The following TEX15 variants were observed in gnomAD, a reference collection of about 807,000 sequenced individuals.
TEX15 encodes the protein testis-expressed protein 15.
A neutral mutation model predicts 237.3 loss-of-function variants in TEX15; 171 were observed. The observed-to-expected ratio is 0.72, with a 90% confidence interval of 0.64 to 0.82. The LOEUF is 0.82. Ranked by LOEUF, TEX15 falls within the 40% of genes least tolerant of loss-of-function variation. The pLI, the probability that TEX15 is intolerant of heterozygous loss-of-function variation, is 0.00. For synonymous variants in TEX15, 1,338 were observed against 1,269.8 expected (o/e 1.05, Z -1.14); for missense variants, 3,750 against 3,646.5 (o/e 1.03, Z -0.73).
In TEX15 at chr8:30,912,333, C is replaced by CCACCA. The variant is rs772066925; in HGVS notation, c.-86+545_-86+546insTGGTG. Reference sequence around the variant, plus strand: ...GAGTTGCGGTCCCGGGGCGGCGGGGCTCCCGCCCCCTCCCCGCCCCCGCGG... The same window carrying CCACCA: ...GAGTTGCGGTCCCGGGGCGGCGGGGCCACCATCCCGCCCCCTCCCCGCCCCCGCGG... On this transcript the variant is annotated intron_variant, in intron 1 of 10. Transcript: ENST00000643185. Among the ~76,000 whole-genome samples the CCACCA allele has an allele frequency of 9.7e-3, 6 of 618 alleles. 1 individual carries two copies. Among genetic ancestry groups the CCACCA allele is most frequent in the Admixed American group, 0.022 (1 of 46 alleles). The allele number at this position is 618 out of a possible 152,430, so 0.4% of individuals were successfully genotyped here. A position where few individuals can be genotyped will look rare whatever the true frequency, so the allele number is the denominator to read the frequency against.
intron 7 of TEX15, among the ~76,000 whole-genome samples, chr8:30,855,577 A>T (rs1807891936): frequency 6.6e-6 from 1 of 152,178 alleles, no homozygotes; most frequent in African/African-American, 2.4e-5. Flanking sequence ...TAACCCAGCA[A>T]TTCCACTCTT....
rs755262850 is a variant in TEX15 at position 30,833,320 on chromosome 8, G to A, written c.9485C>T (p.Pro3162Leu). Residue 3162 changes from proline to leucine, a missense_variant, in exon 11 of 11, where the codon CCA becomes CTA. Pro to Leu is a moderately conservative substitution (Grantham distance 98, BLOSUM62 -3). Coordinates refer to ENST00000643185, the MANE Select transcript of TEX15 (RefSeq NM_001350162.2). ...VPPEVPWVYA[P>L]WHQESFHPGH ...TGGATGAAAGGATTCTTGGTGCCAT[G>A]GAGCTGGAAGAAAAAACACCACAAA... is the stretch of plus-strand genomic sequence containing the variant. 2.1e-5 allele frequency: 33 copies of A among 1,594,748 alleles called. No homozygotes were observed. The highest frequency in any genetic ancestry group is 2.8e-5 in the Non-Finnish European group (33 of 1,169,410).
chr8:30,842,255 G>C lies in TEX15; in HGVS notation c.7912C>G (p.Leu2638Val), dbSNP rs766906372. 5.6e-6 allele frequency: 9 copies of C among 1,613,326 alleles called. No homozygotes were observed. The highest frequency in any genetic ancestry group is 7.6e-6 in the Non-Finnish European group (9 of 1,179,744). The change falls in exon 8 of 11, where the codon CTA becomes GTA. Residue 2638 changes from leucine (L) to valine (V), a missense_variant. Transcript: ENST00000643185. ...CTTCTGTTATACAGCATTTGGCATA[G>C]GAAAAAGGAAATGGTTAGTTCAGCA... Reference protein sequence around the residue: ...KNAELTISFFLCQMLYNRRKI... With the variant: ...KNAELTISFFVCQMLYNRRKI...
chr8:30,904,185 G>A (rs890305412), intron 1 of TEX15, among the ~76,000 whole-genome samples: 2 of 152,152 alleles, frequency 1.3e-5, no homozygotes, highest in Admixed American at 6.5e-5. Flanking sequence ...AGTGGCTCAC[G>A]CCTGTAATCC....
Position 30,846,809 on chromosome 8 carries a change from T to C in TEX15, c.3358A>G (p.Thr1120Ala). The C allele has an allele frequency of 6.2e-7, 1 of 1,613,932 alleles. No homozygotes were observed. The highest frequency in any genetic ancestry group is 1.1e-5 in the South Asian group (1 of 91,082). ...NGEMEVLESTTGRENSDQHYS... is the reference protein window; with the variant it reads ...NGEMEVLESTAGRENSDQHYS... ...TGCTGATCACTATTCTCCCTTCCTG[T>C]GGTGCTTTCCAAAACTTCCATCTCC... The change falls in exon 8 of 11, where the codon ACA (threonine) becomes GCA (alanine). Residue 1120 changes from threonine (T) to alanine (A), a missense_variant. By Grantham distance (58) the Thr-to-Ala change is moderately conservative (BLOSUM62 0). Transcript: ENST00000643185.
At chr8:30,868,399 A>T (rs1808221224) in intron 4 of TEX15, among the ~76,000 whole-genome samples, 1 of 152,038 alleles carries the variant, frequency 6.6e-6, no homozygotes, top group Admixed American at 6.6e-5. Context: ...GGTCCAAATG[A>T]TTATCTGCAA....
At chr8:30,881,963 A>T (rs1808536205) in intron 3 of TEX15, among the ~76,000 whole-genome samples, 1 of 152,112 alleles carries the variant, frequency 6.6e-6, no homozygotes, top group Non-Finnish European at 1.5e-5. Context: ...GCTTAAGATT[A>T]TTGATCTGAA....
At position 30,887,249 on chromosome 8, in the gene TEX15, A is replaced by T; in HGVS notation, c.54T>A (p.Thr18=). The T allele has an allele frequency of 6.5e-7, 1 of 1,535,976 alleles. No individual in the cohort carries two copies. Among genetic ancestry groups the T allele is most frequent in the Non-Finnish European group, 8.7e-7 (1 of 1,146,830 alleles). Residue 18 remains threonine (T), a synonymous_variant, in exon 3 of 11, where the codon ACT becomes ACA. Transcript: ENST00000643185. ...KQDTLWQMSS[T]SKPVLNTREV... is the part of the protein sequence containing the mutation. ...CACGAGTATTCAACACGGGTTTGCT[A>T]GTTGAGCTCATTTGCCACAGTGTAT...
In TEX15 at chr8:30,860,009, T is replaced by C. The variant is rs1808007922; in HGVS notation, c.589A>G (p.Lys197Glu). 1 of 1,510,482 alleles carries C rather than the reference T, an allele frequency of 6.6e-7. No individual in the cohort carries two copies. Among genetic ancestry groups the C allele is most frequent in the African/African-American group, 1.4e-5 (1 of 71,258 alleles). The allele number at this position is 1,510,482 out of a possible 1,614,324, so 93.6% of individuals were successfully genotyped here. A position where few individuals can be genotyped will look rare whatever the true frequency, so the allele number is the denominator to read the frequency against. Residue 197 changes from lysine to glutamate, a missense_variant, in exon 6 of 11, where the codon AAA becomes GAA. Physicochemically the swap from Lys to Glu is moderately conservative, Grantham distance 56 (BLOSUM62 1). Coordinates refer to ENST00000643185, the MANE Select transcript of TEX15 (RefSeq NM_001350162.2). ...KKIQPSVDKNKVSLDPSPNFD... is the reference protein window; with the variant it reads ...KKIQPSVDKNEVSLDPSPNFD... The stretch of plus-strand genomic sequence containing the variant: ...TTAGGAGAAGGATCCAAAGAAACTT[T>C]ATTTTTATCCACAGAAGGTTGGATT...
intron 10 of TEX15, among the ~76,000 whole-genome samples, chr8:30,834,694 C>T (rs1352454220): frequency 2.6e-5 from 4 of 152,140 alleles, no homozygotes; most frequent in Admixed American, 6.5e-5. Flanking sequence ...AGTTGTTCAA[C>T]GTGGCTTGAA....
At position 30,847,431 on chromosome 8, in the gene TEX15, A is replaced by C; in HGVS notation, c.2736T>G (p.Ile912Met). 1 of 1,611,324 alleles carries C rather than the reference A, an allele frequency of 6.2e-7. No individual in the cohort carries two copies. ...KEDKNYHNIE[I>M]LSSEEFSTKF... Reference sequence around the variant, plus strand: ...TAGTAGAAAATTCTTCAGAACTCAAAATTTCTATATTGTGGTAATTTTTGT... The same window carrying C: ...TAGTAGAAAATTCTTCAGAACTCAACATTTCTATATTGTGGTAATTTTTGT... The change falls in exon 8 of 11, where the codon ATT becomes ATG. Residue 912 changes from isoleucine (I) to methionine (M), a missense_variant. By Grantham distance (10) the Ile-to-Met change is conservative. Transcript: ENST00000643185.
At chr8:30,872,405 A>G (rs1406120329) in intron 4 of TEX15, among the ~76,000 whole-genome samples, 1 of 152,134 alleles carries the variant, frequency 6.6e-6, no homozygotes, top group African/African-American at 2.4e-5. Context: ...AAAGTATAGC[A>G]TGTATGATTA....
intron 7 of TEX15, among the ~76,000 whole-genome samples, chr8:30,851,022 G>A (rs1408710139): frequency 6.6e-6 from 1 of 152,086 alleles, no homozygotes; most frequent in African/African-American, 2.4e-5. Context: ...TATGGTTCAT[G>A]GAAGTATAAA....
chr8:30,837,229 G>A lies in TEX15; in HGVS notation c.9055C>T (p.Leu3019Phe), dbSNP rs144515842. 64 of 1,614,126 alleles carry A rather than the reference G, an allele frequency of 4.0e-5. 1 individual carries two copies. The African/African-American group carries it at 7.7e-4, about 19-fold the overall frequency. The change falls in exon 10 of 11, where the codon CTT becomes TTT. Residue 3019 changes from leucine to phenylalanine, a missense_variant. Transcript: ENST00000643185. ...GTTGGGTTACATGCAGACTGTGGAAGTTCATTCCAATATGTGGCAGCATTC... is the reference window on the plus strand; with the variant it reads ...GTTGGGTTACATGCAGACTGTGGAAATTCATTCCAATATGTGGCAGCATTC... ...MQNAATYWNELPQSACNPTYN... is the reference protein window; with the variant it reads ...MQNAATYWNEFPQSACNPTYN...
chr8:30,846,500 C>A lies in TEX15; in HGVS notation c.3667G>T (p.Asp1223Tyr), dbSNP rs191470859. 1.9e-6 allele frequency: 3 copies of A among 1,613,542 alleles called. No homozygotes were observed. The highest frequency in any genetic ancestry group is 1.7e-6 in the Non-Finnish European group (2 of 1,179,742). ...NADYPCEDKV[D>Y]NIRQESGPVS... ...GGCCCTGATTCTTGCCTTATATTAT[C>A]AACTTTATCTTCACATGGATAATCT... The change falls in exon 8 of 11, where the codon GAT becomes TAT. Residue 1223 changes from aspartate (D) to tyrosine (Y), a missense_variant. Physicochemically the swap from Asp to Tyr is radical, Grantham distance 160. Transcript: ENST00000643185.
intron 3 of TEX15, among the ~76,000 whole-genome samples, chr8:30,876,345 T>C (rs1808400088): frequency 2.0e-5 from 3 of 152,226 alleles, no homozygotes; most frequent in Admixed American, 6.5e-5. Flanking sequence ...TTTGAAATGT[T>C]TGAGTCAAAT....
chr8:30,900,850 T>C (rs1156729540), intron 1 of TEX15, among the ~76,000 whole-genome samples: 1 of 152,180 alleles, frequency 6.6e-6, no homozygotes, highest in African/African-American at 2.4e-5. Flanking sequence ...AATTCATGGG[T>C]GATATTCCAT....
chr8:30,871,779 C>T lies in TEX15; in HGVS notation c.302+3158G>A, dbSNP rs185168761. 1.7e-3 allele frequency among the ~76,000 whole-genome samples: 263 copies of T among 152,226 alleles called. 1 individual carries two copies. The highest frequency in any genetic ancestry group is 6.2e-3 in the African/African-American group (259 of 41,560). On this transcript the variant is annotated intron_variant, in intron 4 of 10. Coordinates refer to ENST00000643185, the MANE Select transcript of TEX15 (RefSeq NM_001350162.2). The stretch of plus-strand genomic sequence containing the variant: ...TGAATTACTACATCCAACTCCAGAT[C>T]CATGATGATCACATGGATGAAATGC...
chr8:30,905,284 T>C (rs1250520941), intron 1 of TEX15, among the ~76,000 whole-genome samples: 1 of 148,798 alleles, frequency 6.7e-6, no homozygotes, highest in Non-Finnish European at 1.5e-5. Flanking sequence ...AAAAAAACTG[T>C]AGGCAAAAGT....
Sources: allele counts gnomAD v4.1 joint callset (sites outside exome capture counted in the v4.1 genomes callset), GRCh38; gene constraint gnomAD v4.1.1; transcripts MANE v1.5; gene names NCBI Gene and HGNC (gene_info 2026-07-23, HGNC 2026-07-21).